The following ITGBL1 variants were observed in gnomAD, a reference collection of about 807,000 sequenced individuals.
The protein encoded by ITGBL1 is integrin subunit beta like 1.
Under a neutral mutation model 68.5 loss-of-function variants are expected in ITGBL1, and 51 were observed. The observed-to-expected ratio is 0.74, with a 90% confidence interval of 0.59 to 0.94. The LOEUF (loss-of-function observed/expected upper bound fraction) is 0.94, where lower values mean the gene tolerates loss of function less well. Among genes scored for constraint, ITGBL1 ranks in the 40% least tolerant of loss-of-function variants. The probability of loss-of-function intolerance (pLI) is 0.00; values close to 1 mark genes in which losing one functional copy is unlikely to be tolerated. For missense variants in ITGBL1, 649 were observed against 647.4 expected (o/e 1.00, Z -0.03); for synonymous variants, 209 against 227.3 (o/e 0.92, Z 0.72).
Position 101,714,116 on chromosome 13 carries a change from C to G in ITGBL1, c.1280-322C>G, listed in dbSNP as rs141255953. The G allele has an allele frequency of 1.8e-3, 408 of 224,516 alleles. 1 individual carries two copies. Among genetic ancestry groups the G allele is most frequent in the African/African-American group, 8.6e-3 (384 of 44,402 alleles). The allele number at this position is 224,516 out of a possible 1,614,324, so 13.9% of individuals were successfully genotyped here. A position where few individuals can be genotyped will look rare whatever the true frequency, so the allele number is the denominator to read the frequency against. ...ATGATTCAATTTAGGAGGAAAAAATCTATTTTTGAATACTTTTTTGGAAGA... is the reference window on the plus strand; with the variant it reads ...ATGATTCAATTTAGGAGGAAAAAATGTATTTTTGAATACTTTTTTGGAAGA... On this transcript the variant is annotated intron_variant, in intron 9 of 10. Transcript: ENST00000376180.
intron 7 of ITGBL1, among the ~76,000 whole-genome samples, chr13:101,681,439 T>C (rs966219529): frequency 2.0e-5 from 3 of 152,186 alleles, no homozygotes; most frequent in African/African-American, 7.2e-5. Flanking sequence ...AAAATGTTAC[T>C]GGTGGTCATG....
intron 8 of ITGBL1, among the ~76,000 whole-genome samples, chr13:101,693,663 TATC>T: frequency 6.7e-6 from 1 of 149,220 alleles, no homozygotes; most frequent in Non-Finnish European, 1.5e-5. Context: ...TCTATCTATC[TATC>T]ATCTATTATC....
rs533859301 is a variant in ITGBL1 at position 101,649,563 on chromosome 13, A to G, written c.1016-43022A>G. Among the ~76,000 whole-genome samples, 5 of 152,256 alleles carry G rather than the reference A, an allele frequency of 3.3e-5. No homozygotes were observed. The South Asian group carries it at 1.0e-3, about 32-fold the overall frequency. ...CCTGCGGATGATATTTCTCATGGAA[A>G]TCTATACTTGTTTAGATATTTTTTT... On this transcript the variant is annotated intron_variant, in intron 7 of 10. Coordinates refer to ENST00000376180, the MANE Select transcript of ITGBL1 (RefSeq NM_004791.3).
At chr13:101,677,644 G>A (rs1594974054) in intron 7 of ITGBL1, among the ~76,000 whole-genome samples, 1 of 152,146 alleles carries the variant, frequency 6.6e-6, no homozygotes, top group African/African-American at 2.4e-5. Flanking sequence ...GAGGAGAAAT[G>A]TATTCCCCCT....
At chr13:101,527,631 C>G (rs1354956204) in intron 2 of ITGBL1, among the ~76,000 whole-genome samples, 1 of 151,926 alleles carries the variant, frequency 6.6e-6, no homozygotes, top group Non-Finnish European at 1.5e-5. Flanking sequence ...TAATAATCCT[C>G]AACAATGTCT....
At chr13:101,690,881 A>G (rs1466299063) in intron 7 of ITGBL1, among the ~76,000 whole-genome samples, 1 of 150,272 alleles carries the variant, frequency 6.7e-6, no homozygotes, top group Non-Finnish European at 1.5e-5. Flanking sequence ...GATTACAAAC[A>G]ACAAAACCAA....
chr13:101,667,980 T>A (rs2033264075), intron 7 of ITGBL1, among the ~76,000 whole-genome samples: 1 of 152,176 alleles, frequency 6.6e-6, no homozygotes, highest in Non-Finnish European at 1.5e-5. Context: ...TTTAAATTTG[T>A]TGGTAAAATA....
intron 5 of ITGBL1, among the ~76,000 whole-genome samples, chr13:101,582,890 A>C (rs1298080249): frequency 6.6e-6 from 1 of 152,038 alleles, no homozygotes; most frequent in Non-Finnish European, 1.5e-5. Context: ...TTAGCTTTCT[A>C]TTTGCCAAAT....
chr13:101,507,905 A>G (rs2049051789), intron 2 of ITGBL1, among the ~76,000 whole-genome samples: 1 of 152,146 alleles, frequency 6.6e-6, no homozygotes, highest in South Asian at 2.1e-4. Context: ...GGAGTATGGG[A>G]ATGTAGTTTT....
chr13:101,536,085 G>A (rs2049570480), intron 2 of ITGBL1, among the ~76,000 whole-genome samples: 2 of 151,408 alleles, frequency 1.3e-5, no homozygotes, highest in Non-Finnish European at 2.9e-5. Context: ...TAAGTTTTAG[G>A]GTACATGTGC....
At chr13:101,649,988 C>T (rs1365267118) in intron 7 of ITGBL1, among the ~76,000 whole-genome samples, 1 of 152,062 alleles carries the variant, frequency 6.6e-6, no homozygotes, top group Non-Finnish European at 1.5e-5. Context: ...TATTTGTCTG[C>T]TCTGCCCAAT....
chr13:101,711,984 A>T (rs565587732), intron 9 of ITGBL1: 2 of 152,214 alleles, frequency 1.3e-5, no homozygotes, highest in African/African-American at 4.8e-5. Flanking sequence ...CTTGATAGTC[A>T]TGCAGCCTAC....
At chr13:101,463,937 C>A (rs1359113781) in intron 2 of ITGBL1, among the ~76,000 whole-genome samples, 2 of 134,780 alleles carry the variant, frequency 1.5e-5, no homozygotes, top group Admixed American at 8.3e-5. Context: ...GAGACAGATT[C>A]TCGCTGTGTC....
At chr13:101,698,924 T>C (rs1044202350) in intron 8 of ITGBL1, among the ~76,000 whole-genome samples, 4 of 152,228 alleles carry the variant, frequency 2.6e-5, no homozygotes, top group Middle Eastern at 6.8e-3. Flanking sequence ...TGAGTCCAAT[T>C]TAAAAAACAA....
intron 6 of ITGBL1, among the ~76,000 whole-genome samples, chr13:101,586,506 G>A (rs569322357): frequency 6.3e-4 from 96 of 152,218 alleles, no homozygotes; most frequent in African/African-American, 2.2e-3. Flanking sequence ...TCCATTTTAT[G>A]TACACACTAA....
At position 101,619,428 on chromosome 13, in the gene ITGBL1, C is replaced by G. The variant is rs577378825; in HGVS notation, c.1015+21129C>G. On this transcript the variant is annotated intron_variant, in intron 7 of 10. Coordinates refer to ENST00000376180, the MANE Select transcript of ITGBL1 (RefSeq NM_004791.3). Reference sequence around the variant, plus strand: ...GAAGGACTCAACCTACCACTACTGCCTTTGAAGATGGAGAAAGGGGACCAA... The same window carrying G: ...GAAGGACTCAACCTACCACTACTGCGTTTGAAGATGGAGAAAGGGGACCAA... Among the ~76,000 whole-genome samples the G allele has an allele frequency of 1.1e-3, 169 of 152,110 alleles. No homozygotes were observed. The Middle Eastern group carries it at 0.038, about 34-fold the overall frequency.
intron 4 of ITGBL1, among the ~76,000 whole-genome samples, 178 bp from the exon 5 acceptor site, chr13:101,579,109 G>C (rs545524495): frequency 6.6e-6 from 1 of 152,270 alleles, no homozygotes; most frequent in South Asian, 2.1e-4. Flanking sequence ...GATTAAGCAG[G>C]TATAGGCACA....
chr13:101,488,183 T>TGA (rs1161484030), intron 2 of ITGBL1, among the ~76,000 whole-genome samples: 1 of 152,236 alleles, frequency 6.6e-6, no homozygotes, highest in African/African-American at 2.4e-5. Context: ...CATTGACATT[T>TGA]GAGGGAGTAT....
intron 2 of ITGBL1, among the ~76,000 whole-genome samples, chr13:101,555,683 T>TC (rs1208987800): frequency 6.8e-5 from 4 of 58,968 alleles, no homozygotes; most frequent in African/African-American, 1.4e-4. Context: ...ATTTAAGTGT[T>TC]TTGTGTGTGT....
Sources: allele counts gnomAD v4.1 joint callset (sites outside exome capture counted in the v4.1 genomes callset), GRCh38; gene constraint gnomAD v4.1.1; transcripts MANE v1.5; gene names NCBI Gene and HGNC (gene_info 2026-07-23, HGNC 2026-07-21).